The following KLHL1 variants were observed in gnomAD, a reference collection of about 807,000 sequenced individuals.
KLHL1 encodes kelch like family member 1.
KLHL1 carries 47 observed loss-of-function variants against 77.7 expected under a neutral mutation model. The observed-to-expected ratio is 0.60, with a 90% confidence interval of 0.48 to 0.77. The LOEUF is 0.77. Ranked by LOEUF, KLHL1 falls within the 30% of genes least tolerant of loss-of-function variation. The pLI is 0.00. For synonymous variants in KLHL1, 360 were observed against 325.2 expected (o/e 1.11, Z -1.15); for missense variants, 925 against 910.8 (o/e 1.02, Z -0.20).
Position 70,106,118 on chromosome 13 carries a change from T to A in KLHL1, c.497+1085A>T, listed in dbSNP as rs553492836. ...ACACATATAGGTTATACATATATAA[T>A]TTTATCTATTCTTTTTGGTACTTAA... On this transcript the variant is annotated intron_variant, in intron 1 of 10. Transcript: ENST00000377844. Among the ~76,000 whole-genome samples the A allele has an allele frequency of 1.7e-3, 254 of 151,726 alleles. 1 individual carries two copies. The highest frequency in any genetic ancestry group is 5.9e-3 in the African/African-American group (247 of 41,540).
chr13:69,893,983 A>C (rs758143792), intron 4 of KLHL1: 20 of 152,840 alleles, frequency 1.3e-4, no homozygotes, highest in Non-Finnish European at 2.4e-4. Flanking sequence ...ATAAAAATCA[A>C]CTGGAAAATG....
intron 9 of KLHL1, among the ~76,000 whole-genome samples, chr13:69,711,242 C>G (rs1275361575): frequency 1.3e-5 from 2 of 151,888 alleles, no homozygotes; most frequent in Non-Finnish European, 2.9e-5. Flanking sequence ...TTTAGATAGA[C>G]AGCAATTAAA....
intron 1 of KLHL1, among the ~76,000 whole-genome samples, chr13:69,987,041 G>A (rs1268508145): frequency 6.6e-6 from 1 of 151,654 alleles, no homozygotes; most frequent in Non-Finnish European, 1.5e-5. Flanking sequence ...ATATATAGCT[G>A]TACACCAAAC....
chr13:69,849,782 T>C (rs949878948), intron 5 of KLHL1, among the ~76,000 whole-genome samples: 1 of 151,514 alleles, frequency 6.6e-6, no homozygotes. Context: ...ATAGGCCCCA[T>C]GATTTGCTCA....
intron 4 of KLHL1, among the ~76,000 whole-genome samples, chr13:69,935,773 A>C (rs962702318): frequency 2.0e-5 from 3 of 152,176 alleles, no homozygotes; most frequent in African/African-American, 7.2e-5. Context: ...ATGTGATTTT[A>C]AAAATGTCAA....
At chr13:69,891,006 C>T in intron 4 of KLHL1, among the ~76,000 whole-genome samples, 1 of 151,962 alleles carries the variant, frequency 6.6e-6, no homozygotes, top group East Asian at 1.9e-4. Context: ...TTCCTGTTTT[C>T]TCTATATTTT....
chr13:69,890,519 T>C lies in KLHL1; in HGVS notation c.1015-8024A>G, dbSNP rs569293545. 3.9e-5 allele frequency among the ~76,000 whole-genome samples: 6 copies of C among 152,062 alleles called. No individual in the cohort carries two copies. In the South Asian group the frequency reaches 1.2e-3, roughly 32 times the overall value. ...ACTGCTGAATAGCTCTATTAGAAAA[T>C]TGTCCTATTTTTGAAGCAACATCTG... On this transcript the variant is annotated intron_variant, in intron 4 of 10. Transcript: ENST00000377844.
At chr13:69,753,072 T>C (rs1429186385) in intron 7 of KLHL1, among the ~76,000 whole-genome samples, 1 of 152,120 alleles carries the variant, frequency 6.6e-6, no homozygotes, top group Admixed American at 6.6e-5. Flanking sequence ...TCTGAGATTC[T>C]TCCTGCCCAA....
chr13:69,943,832 C>T (rs1236928807), intron 3 of KLHL1, among the ~76,000 whole-genome samples: 3 of 152,102 alleles, frequency 2.0e-5, no homozygotes, highest in African/African-American at 7.2e-5. Context: ...GTAAAGTTGT[C>T]AAGAAGACGG....
At chr13:69,919,101 C>G (rs1361899667) in intron 4 of KLHL1, among the ~76,000 whole-genome samples, 1 of 151,920 alleles carries the variant, frequency 6.6e-6, no homozygotes, top group African/African-American at 2.4e-5. Flanking sequence ...TGGTCTAATT[C>G]GGCATTTTGC....
At position 69,772,707 on chromosome 13, in the gene KLHL1, G is replaced by A. The variant is rs890601316; in HGVS notation, c.1639+24031C>T. ...TGTGTAAAGTATCTTGCAGGTAATAGGGTTTGGTTGCAATGGTAGCTGTTT... is the reference window on the plus strand; with the variant it reads ...TGTGTAAAGTATCTTGCAGGTAATAAGGTTTGGTTGCAATGGTAGCTGTTT... On this transcript the variant is annotated intron_variant, in intron 7 of 10. Coordinates refer to ENST00000377844, the MANE Select transcript of KLHL1 (RefSeq NM_020866.3). Among the ~76,000 whole-genome samples the A allele has an allele frequency of 4.6e-5, 7 of 152,220 alleles. No homozygotes were observed. The South Asian group carries it at 1.5e-3, about 32-fold the overall frequency.
intron 1 of KLHL1, among the ~76,000 whole-genome samples, chr13:70,009,859 CA>C (rs1243560017): frequency 2.7e-5 from 4 of 149,836 alleles, no homozygotes; most frequent in South Asian, 4.2e-4. Flanking sequence ...TTTTTGGGTT[CA>C]AAAAAAGGTC....
intron 8 of KLHL1, among the ~76,000 whole-genome samples, chr13:69,733,835 T>A (rs574138460): frequency 6.6e-6 from 1 of 152,244 alleles, no homozygotes; most frequent in Admixed American, 6.5e-5. Context: ...GTAATTTAAG[T>A]TCTAGGTCTA....
rs542843834 is a variant in KLHL1 at position 69,726,284 on chromosome 13, T to A, written c.1803-6703A>T. ...AATAAAAGGATTAGAATCCCTCAACTCCAGTGCCTTTGAAGAAACTCTCTA... is the reference window on the plus strand; with the variant it reads ...AATAAAAGGATTAGAATCCCTCAACACCAGTGCCTTTGAAGAAACTCTCTA... On this transcript the variant is annotated intron_variant, in intron 8 of 10. Transcript: ENST00000377844. Among the ~76,000 whole-genome samples, 22 of 152,254 alleles carry A rather than the reference T, an allele frequency of 1.4e-4. No homozygotes were observed. In the South Asian group the frequency reaches 2.9e-3, roughly 20 times the overall value.
intron 7 of KLHL1, among the ~76,000 whole-genome samples, chr13:69,778,092 A>T (rs1441639294): frequency 1.3e-5 from 2 of 152,072 alleles, no homozygotes; most frequent in African/African-American, 2.4e-5. Context: ...GCACTAAAGA[A>T]GATAGTAAAA....
At chr13:69,933,315 A>G (rs987591817) in intron 4 of KLHL1, among the ~76,000 whole-genome samples, 2 of 152,156 alleles carry the variant, frequency 1.3e-5, no homozygotes, top group Non-Finnish European at 2.9e-5. Flanking sequence ...AATAGTCTTG[A>G]GAAAAATGTA....
intron 7 of KLHL1, among the ~76,000 whole-genome samples, chr13:69,773,029 G>A (rs1383225410): frequency 6.6e-6 from 1 of 151,636 alleles, no homozygotes; most frequent in Non-Finnish European, 1.5e-5. Context: ...ATGTTTTGTA[G>A]ACCATTACAC....
At chr13:69,966,340 C>T (rs527256985) in intron 2 of KLHL1, among the ~76,000 whole-genome samples, 23 of 152,230 alleles carry the variant, frequency 1.5e-4, no homozygotes, top group African/African-American at 5.3e-4. Context: ...TACGCTAATT[C>T]TACTCAGCCA....
chr13:70,016,670 C>T lies in KLHL1; in HGVS notation c.498-40868G>A, dbSNP rs557152067. Among the ~76,000 whole-genome samples the T allele has an allele frequency of 1.5e-3, 225 of 152,248 alleles. 1 individual carries two copies. The highest frequency in any genetic ancestry group is 4.8e-3 in the African/African-American group (200 of 41,556). ...TCAGCACAGGCCTGCAGGTGCCCCTCCGCACAAACAGCTTGGGCACCATGG... is the reference window on the plus strand; with the variant it reads ...TCAGCACAGGCCTGCAGGTGCCCCTTCGCACAAACAGCTTGGGCACCATGG... On this transcript the variant is annotated intron_variant, in intron 1 of 10. Transcript: ENST00000377844.
Sources: gnomAD v4.1 joint callset for allele counts (sites outside exome capture counted in the v4.1 genomes callset) on GRCh38, gnomAD v4.1.1 for gene constraint, MANE v1.5 for transcripts, NCBI Gene and HGNC (gene_info 2026-07-23, HGNC 2026-07-21) for gene names.